The following RFX4 variants were observed in gnomAD, a reference collection of about 807,000 sequenced individuals.
The protein encoded by RFX4 is transcription factor RFX4.
In RFX4, 10 loss-of-function variants were observed where a neutral mutation model predicts 95.0. The ratio of observed to expected loss-of-function variants is 0.11; its 90% CI spans 0.06 to 0.18. RFX4 has a LOEUF of 0.18. RFX4 is among the 10% of genes least tolerant of loss of function. The pLI is 1.00. For synonymous variants in RFX4, 321 were observed against 340.7 expected (o/e 0.94, Z 0.64); for missense variants, 640 against 922.0 (o/e 0.69, Z 3.96).
intron 4 of RFX4, among the ~76,000 whole-genome samples, chr12:106,671,314 C>G (rs1036817783): frequency 2.6e-5 from 4 of 152,048 alleles, no homozygotes; most frequent in Admixed American, 2.6e-4. Flanking sequence ...TCAAACTGAT[C>G]AAGATCATAT....
intron 3 of RFX4, among the ~76,000 whole-genome samples, chr12:106,644,230 C>CTTTTTT (rs756140160): frequency 1.6e-5 from 2 of 128,434 alleles, no homozygotes; most frequent in Non-Finnish European, 1.7e-5. Flanking sequence ...GCCATTTCCC[C>CTTTTTT]TTTTTTTTTT....
At chr12:106,617,928 T>C (rs1341775316) in intron 2 of RFX4, among the ~76,000 whole-genome samples, 1 of 152,168 alleles carries the variant, frequency 6.6e-6, no homozygotes, top group African/African-American at 2.4e-5. Flanking sequence ...GGTTTCACCA[T>C]GTTGGCCAGG....
At chr12:106,620,113 A>G (rs2040152917) in intron 2 of RFX4, among the ~76,000 whole-genome samples, 1 of 152,046 alleles carries the variant, frequency 6.6e-6, no homozygotes, top group Non-Finnish European at 1.5e-5. Context: ...TTATCTGGCT[A>G]TTTCTTGGAT....
chr12:106,746,744 T>C (rs1187420746), intron 15 of RFX4, among the ~76,000 whole-genome samples: 1 of 152,182 alleles, frequency 6.6e-6, no homozygotes, highest in African/African-American at 2.4e-5. Flanking sequence ...GTAATCTACT[T>C]ATGTTTGCTT....
intron 2 of RFX4, among the ~76,000 whole-genome samples, chr12:106,624,278 G>C (rs893005663): frequency 6.6e-6 from 1 of 152,134 alleles, no homozygotes; most frequent in Admixed American, 6.5e-5. Flanking sequence ...GCCTTGGGCT[G>C]TTTTTATACA....
At chr12:106,604,369 G>A (rs562401931) in intron 1 of RFX4, among the ~76,000 whole-genome samples, 3 of 151,954 alleles carry the variant, frequency 2.0e-5, no homozygotes, top group South Asian at 2.1e-4. Flanking sequence ...TGATCAGCCC[G>A]CCTCAGCCTC....
intron 4 of RFX4, among the ~76,000 whole-genome samples, chr12:106,663,756 G>GT (rs551357817): frequency 0.021 from 2,852 of 138,584 alleles, 25 homozygotes; most frequent in Admixed American, 0.024. Context: ...TGCAGAAAGC[G>GT]TTTTTTTTTT....
At chr12:106,737,162 GTTTTTTTTTTTTTTTTTTT>G (rs556116618) in intron 15 of RFX4, among the ~76,000 whole-genome samples, 4,984 of 54,730 alleles carry the variant, frequency 0.091, 137 homozygotes, top group Middle Eastern at 0.21. Flanking sequence ...CGGAACTAAA[GTTTTTTTTTTTTTTTTTTT>G]TTTTTTTTTT....
At chr12:106,696,228 CT>C in intron 7 of RFX4, 54 bp from the exon 8 acceptor site, 1 of 1,597,696 alleles carries the variant, frequency 6.3e-7, no homozygotes, top group Non-Finnish European at 8.6e-7. Context: ...TCCCAAGCTT[CT>C]GTTGGGAGGG....
chr12:106,625,990 G>A (rs1398135549), intron 2 of RFX4, among the ~76,000 whole-genome samples: 2 of 152,096 alleles, frequency 1.3e-5, no homozygotes, highest in Non-Finnish European at 2.9e-5. Flanking sequence ...TCTTTTCCAT[G>A]GATCCCTGCT....
intron 11 of RFX4, 21 bp from the exon 12 acceptor site, chr12:106,719,939 G>T (rs1298307725): frequency 1.9e-6 from 3 of 1,588,054 alleles, no homozygotes; most frequent in Non-Finnish European, 2.6e-6. Flanking sequence ...GATGCGTGTG[G>T]GGTTCTCCTT....
chr12:106,646,431 CAAAAAAAAAA>C (rs56305939), intron 3 of RFX4, among the ~76,000 whole-genome samples: 917 of 66,304 alleles, frequency 0.014, 8 homozygotes, highest in South Asian at 0.033. Context: ...TAGTTTTATC[CAAAAAAAAAA>C]AAAAAAAAAA....
chr12:106,678,207 C>T (rs2041435040), intron 4 of RFX4, among the ~76,000 whole-genome samples: 1 of 152,120 alleles, frequency 6.6e-6, no homozygotes, highest in Admixed American at 6.5e-5. Context: ...GAAGGCCAGT[C>T]ATTTCCCAGG....
chr12:106,724,746 G>T (rs1256521124), intron 13 of RFX4, among the ~76,000 whole-genome samples: 1 of 152,138 alleles, frequency 6.6e-6, no homozygotes, highest in Admixed American at 6.5e-5. Flanking sequence ...TTTCAGCTGG[G>T]CGCGATGGCT....
chr12:106,675,489 G>A (rs928953831), intron 4 of RFX4, among the ~76,000 whole-genome samples: 1 of 151,940 alleles, frequency 6.6e-6, no homozygotes, highest in Non-Finnish European at 1.5e-5. Flanking sequence ...CATTTTAAGT[G>A]TTCTCACCAC....
chr12:106,721,416 C>CTTGTTTCACTGA (rs2042393891), intron 13 of RFX4, among the ~76,000 whole-genome samples: 1 of 152,202 alleles, frequency 6.6e-6, no homozygotes. Context: ...CAGGAGATAT[C>CTTGTTTCACTGA]CCCACCTCAA....
In RFX4 at chr12:106,613,778, C is replaced by T. The variant is rs551670097; in HGVS notation, c.130+4895C>T. ...CATAGAATAAATTCGAATATGTTCC[C>T]TCCTCTTTCATTATTTTGAAGGAGT... On this transcript the variant is annotated intron_variant, in intron 2 of 17. Coordinates refer to ENST00000392842, the MANE Select transcript of RFX4 (RefSeq NM_213594.3). 2.4e-4 allele frequency among the ~76,000 whole-genome samples: 36 copies of T among 152,288 alleles called. No individual in the cohort carries two copies. The South Asian group carries it at 7.3e-3, about 31-fold the overall frequency.
intron 1 of RFX4, 23 bp downstream of exon 1, chr12:106,583,386 G>C (rs73390190): frequency 6.4e-7 from 1 of 1,553,270 alleles, no homozygotes; most frequent in Non-Finnish European, 8.6e-7. Flanking sequence ...GGCGGGGTTG[G>C]GGGGATACAT....
intron 15 of RFX4, among the ~76,000 whole-genome samples, chr12:106,740,570 CATTT>C (rs547505830): frequency 1.2e-4 from 18 of 152,234 alleles, no homozygotes; most frequent in East Asian, 3.9e-4. Flanking sequence ...CTCATTCATT[CATTT>C]GTTCATTCAT....
Sources: gnomAD v4.1 joint callset for allele counts (sites outside exome capture counted in the v4.1 genomes callset) on GRCh38, gnomAD v4.1.1 for gene constraint, MANE v1.5 for transcripts, NCBI Gene and HGNC (gene_info 2026-07-23, HGNC 2026-07-21) for gene names.